RNF180: variants seen among roughly 807,000 people sequenced by gnomAD.
RNF180 encodes E3 ubiquitin-protein ligase RNF180.
Under a neutral mutation model 59.2 loss-of-function variants are expected in RNF180, and 38 were observed. The observed-to-expected ratio is 0.64, with a 90% CI of 0.50 to 0.84. The LOEUF (loss-of-function observed/expected upper bound fraction) is 0.84. Ranked by LOEUF, RNF180 falls within the 40% of genes least tolerant of loss-of-function variation. The pLI, the probability that RNF180 is intolerant of heterozygous loss-of-function variation, is 0.00. For missense variants in RNF180, 705 were observed against 700.9 expected, an observed-to-expected ratio of 1.01 and a Z score of -0.07; for synonymous variants, 262 against 240.3, an observed-to-expected ratio of 1.09 and a Z score of -0.84.
At position 64,347,656 on chromosome 5, in the gene RNF180, C is replaced by G. The variant is rs1401603783; in HGVS notation, c.1579+17250C>G. Among the ~76,000 whole-genome samples, 3 of 152,220 alleles carry G rather than the reference C, an allele frequency of 2.0e-5. No homozygotes were observed. The East Asian group carries it at 5.8e-4, about 29-fold the overall frequency. ...TGAGATATATACTCATAAATTTCAGCAGCTATTAGAGCATTCATTAAAATA... is the reference window on the plus strand; with the variant it reads ...TGAGATATATACTCATAAATTTCAGGAGCTATTAGAGCATTCATTAAAATA... On this transcript the variant is annotated intron_variant, in intron 7 of 7. Coordinates refer to ENST00000389100, the MANE Select transcript of RNF180 (RefSeq NM_001113561.2).
intron 1 of RNF180, among the ~76,000 whole-genome samples, chr5:64,185,534 T>C (rs987300438): frequency 6.6e-6 from 1 of 152,224 alleles, no homozygotes; most frequent in African/African-American, 2.4e-5. Context: ...TAGGTTTTTT[T>C]CCCATGTAAT....
intron 5 of RNF180, among the ~76,000 whole-genome samples, chr5:64,236,057 G>A (rs1411429397): frequency 6.6e-6 from 1 of 152,238 alleles, no homozygotes; most frequent in African/African-American, 2.4e-5. Flanking sequence ...AAGCAACTTT[G>A]GAACTGGGTA....
intron 7 of RNF180, among the ~76,000 whole-genome samples, chr5:64,362,031 AAATT>A (rs558771110): frequency 2.3e-4 from 35 of 151,600 alleles, no homozygotes; most frequent in Admixed American, 7.3e-4. Context: ...TAGAAATTTA[AAATT>A]AATTTAATAA....
intron 7 of RNF180, among the ~76,000 whole-genome samples, chr5:64,349,701 C>T (rs1239726580): frequency 6.6e-6 from 1 of 151,596 alleles, no homozygotes; most frequent in African/African-American, 2.4e-5. Flanking sequence ...GGTTTTTTGT[C>T]CTTGTGATAG....
chr5:64,288,490 ATGGCCATTT>A (rs2112415088), intron 5 of RNF180, among the ~76,000 whole-genome samples: 1 of 152,304 alleles, frequency 6.6e-6, no homozygotes, highest in South Asian at 2.1e-4. Context: ...TTGGAGCGGT[ATGGCCATTT>A]TCACGATATG....
At chr5:64,281,465 G>A (rs1180460998) in intron 5 of RNF180, among the ~76,000 whole-genome samples, 1 of 152,048 alleles carries the variant, frequency 6.6e-6, no homozygotes, top group Admixed American at 6.6e-5. Flanking sequence ...GTTATTTTGA[G>A]GTATGTTCCT....
chr5:64,256,263 G>T (rs1274497160), intron 5 of RNF180, among the ~76,000 whole-genome samples: 1 of 152,144 alleles, frequency 6.6e-6, no homozygotes, highest in Non-Finnish European at 1.5e-5. Context: ...TTTTAGACAT[G>T]AAGTCCTTGC....
chr5:64,318,777 G>A (rs1032112741), intron 5 of RNF180, among the ~76,000 whole-genome samples: 140 of 151,980 alleles, frequency 9.2e-4, no homozygotes, highest in African/African-American at 3.3e-3. Flanking sequence ...GGAATTTCTA[G>A]GCAGTAAAAA....
intron 5 of RNF180, among the ~76,000 whole-genome samples, chr5:64,245,288 TG>T (rs1743082349): frequency 6.6e-6 from 1 of 152,200 alleles, no homozygotes; most frequent in African/African-American, 2.4e-5. Context: ...TAAATATAAA[TG>T]GGCTAAATGC....
At chr5:64,227,170 C>G (rs1580057931) in intron 5 of RNF180, among the ~76,000 whole-genome samples, 2 of 152,182 alleles carry the variant, frequency 1.3e-5, no homozygotes, top group East Asian at 3.9e-4. Context: ...AGCATCGGGA[C>G]TTGCAGGAGG....
intron 5 of RNF180, among the ~76,000 whole-genome samples, chr5:64,288,782 G>A (rs767769380): frequency 1.6e-4 from 24 of 152,168 alleles, no homozygotes; most frequent in Non-Finnish European, 3.5e-4. Context: ...ATCAGCTTAA[G>A]ATTTTGGCCT....
chr5:64,214,519 T>C lies in RNF180; in HGVS notation c.1191+2T>C. On this transcript the variant is annotated splice_donor_variant, in intron 4 of 7. Transcript: ENST00000389100. LOFTEE classifies it high-confidence loss of function. ...CGTGAAAGATGGCTACAGAAGCAGG[T>C]AATATTTTTCAAAAGAGTTTACTAA... 6.2e-7 allele frequency: 1 copy of C among 1,606,134 alleles called. No individual in the cohort carries two copies. The highest frequency in any genetic ancestry group is 8.5e-7 in the Non-Finnish European group (1 of 1,175,606).
At chr5:64,249,381 C>T (rs1486908345) in intron 5 of RNF180, among the ~76,000 whole-genome samples, 1 of 152,142 alleles carries the variant, frequency 6.6e-6, no homozygotes, top group Non-Finnish European at 1.5e-5. Flanking sequence ...TCAGCCGAAA[C>T]CTTACAGGCC....
chr5:64,349,690 T>C (rs187761620), intron 7 of RNF180, among the ~76,000 whole-genome samples: 1 of 152,208 alleles, frequency 6.6e-6, no homozygotes, highest in East Asian at 1.9e-4. Flanking sequence ...ATGCGGTGTT[T>C]GGTTTTTTGT....
rs567973290 is a variant in RNF180, at chr5:64,311,719, C to T, written c.1228-13467C>T. On this transcript the variant is annotated intron_variant, in intron 5 of 7. Coordinates refer to ENST00000389100, the MANE Select transcript of RNF180 (RefSeq NM_001113561.2). ...TGGTTTAGTGGACATTTTTGGGAAA[C>T]GTCTTCAGTATCGATTCCTACCATC... Among the ~76,000 whole-genome samples the T allele has an allele frequency of 9.2e-5, 14 of 152,076 alleles. No homozygotes were observed. The South Asian group carries it at 2.7e-3, about 29-fold the overall frequency.
intron 5 of RNF180, among the ~76,000 whole-genome samples, chr5:64,310,461 T>A (rs1743707802): frequency 6.6e-6 from 1 of 151,004 alleles, no homozygotes; most frequent in Non-Finnish European, 1.5e-5. Context: ...GTCTCCTCAC[T>A]GCTAAACCAG....
At chr5:64,250,630 T>C (rs555938929) in intron 5 of RNF180, among the ~76,000 whole-genome samples, 1 of 152,178 alleles carries the variant, frequency 6.6e-6, no homozygotes, top group Non-Finnish European at 1.5e-5. Context: ...TTATGAACAA[T>C]TATACACCAA....
intron 5 of RNF180, among the ~76,000 whole-genome samples, chr5:64,234,711 G>C (rs372893415): frequency 1.4e-5 from 2 of 140,042 alleles, no homozygotes; most frequent in Non-Finnish European, 3.1e-5. Context: ...CCCATTCTCC[G>C]GCCTCAGCCT....
Position 64,321,755 on chromosome 5 carries a change from C to T in RNF180, c.1228-3431C>T, listed in dbSNP as rs1319505680. Among the ~76,000 whole-genome samples the T allele has an allele frequency of 9.2e-5, 14 of 152,310 alleles. 1 individual carries two copies. Among genetic ancestry groups the T allele is most frequent in the African/African-American group, 3.4e-4 (14 of 41,570 alleles). ...AGGCTGGAGGCATCATGCTTCTTGACTTCAAACTATACTACAAGGCTACAG... is the reference window on the plus strand; with the variant it reads ...AGGCTGGAGGCATCATGCTTCTTGATTTCAAACTATACTACAAGGCTACAG... On this transcript the variant is annotated intron_variant, in intron 5 of 7. Coordinates refer to ENST00000389100, the MANE Select transcript of RNF180 (RefSeq NM_001113561.2).
Sources: allele counts gnomAD v4.1 joint callset (sites outside exome capture counted in the v4.1 genomes callset), GRCh38; gene constraint gnomAD v4.1.1; transcripts MANE v1.5; gene names NCBI Gene and HGNC (gene_info 2026-07-23, HGNC 2026-07-21).